SIGLEC1: variants seen among roughly 807,000 people sequenced by gnomAD.
The protein encoded by SIGLEC1 is sialic acid binding Ig like lectin 1, also known as sialoadhesin.
Under a neutral mutation model 148.0 loss-of-function variants are expected in SIGLEC1, and 132 were observed. That is an observed-to-expected ratio of 0.89 (90% CI 0.77 to 1.03). The LOEUF (loss-of-function observed/expected upper bound fraction) is 1.03. SIGLEC1 is among the 50% of genes least tolerant of loss of function. The pLI, the probability that SIGLEC1 is intolerant of heterozygous loss-of-function variation, is 0.00. For synonymous variants in SIGLEC1, 945 were observed against 969.0 expected, an observed-to-expected ratio of 0.98 and a Z score of 0.46; for missense variants, 2,253 against 2,271.4, an observed-to-expected ratio of 0.99 and a Z score of 0.16.
Position 3,697,336 on chromosome 20 carries a change from A to G in SIGLEC1, c.2129T>C (p.Val710Ala), listed in dbSNP as rs1342338559. ...TSATFNGQAT[V>A]LAIAPSHTLQ... ...TGTGTGTGATGGTGCAATGGCCAGGACAGTGGCTGGAGAGCAGGCGGCACA... is the reference window on the plus strand; with the variant it reads ...TGTGTGTGATGGTGCAATGGCCAGGGCAGTGGCTGGAGAGCAGGCGGCACA... The change falls in exon 10 of 22, where the codon GTC becomes GCC. Residue 710 changes from valine to alanine, a missense_variant. By Grantham distance (64) the Val-to-Ala change is moderately conservative. Coordinates refer to ENST00000344754, the MANE Select transcript of SIGLEC1 (RefSeq NM_023068.4). 1.9e-6 allele frequency: 3 copies of G among 1,613,544 alleles called. No individual in the cohort carries two copies. The South Asian group carries it at 3.3e-5, about 18-fold the overall frequency.
At chr20:3,706,730 CA>C in intron 2 of SIGLEC1, 24 bp from the exon 3 acceptor site, 1 of 1,520,876 alleles carries the variant, frequency 6.6e-7, no homozygotes, top group African/African-American at 1.4e-5. Context: ...GGCAGGGGGA[CA>C]GAGGGGAGGG....
At position 3,709,046 on chromosome 20, in the gene SIGLEC1, C is replaced by CAAA. The variant is rs375193019; in HGVS notation, c.-109-1812_-109-1810dup. The stretch of plus-strand genomic sequence containing the variant: ...GTGACAGAGTGAGACTCTTCTGTCT[C>CAAA]AAAAAAAAAAAAAAAAAAAAAGGAT... On this transcript the variant is annotated intron_variant, in intron 1 of 21. Transcript: ENST00000344754. Among the ~76,000 whole-genome samples the CAAA allele has an allele frequency of 3.0e-3, 240 of 79,216 alleles. 5 individuals are homozygous for CAAA. The highest frequency in any genetic ancestry group is 7.7e-3 in the Middle Eastern group (1 of 130). The allele number at this position is 79,216 out of a possible 152,430, so 52.0% of individuals were successfully genotyped here.
Position 3,707,145 on chromosome 20 carries a change from GC to G in SIGLEC1, c.-18del. The stretch of plus-strand genomic sequence containing the variant: ...GAAGCCCATAGCAGGTTCTTGTGCT[GC>G]TCCTGTTGCCTAAGAGGGTGGTGCG... On this transcript the variant is annotated 5_prime_UTR_variant, in exon 2 of 22. Coordinates refer to ENST00000344754, the MANE Select transcript of SIGLEC1 (RefSeq NM_023068.4). 6.2e-7 allele frequency: 1 copy of G among 1,613,388 alleles called. No homozygotes were observed. Among genetic ancestry groups the G allele is most frequent in the Non-Finnish European group, 8.5e-7 (1 of 1,179,452 alleles).
Position 3,687,057 on chromosome 20 carries a change from C to G in SIGLEC1, c.*1503G>C, listed in dbSNP as rs926426841. The G allele has an allele frequency of 6.6e-6, 1 of 151,822 alleles. No homozygotes were observed. Among genetic ancestry groups the G allele is most frequent in the Non-Finnish European group, 1.5e-5 (1 of 68,000 alleles). 9.4% of individuals were successfully genotyped at this position (151,822 alleles called of 1,614,324 possible). A position where few individuals can be genotyped will look rare whatever the true frequency, so the allele number is the denominator to read the frequency against. ...GCAATGGAGCATGAAAATGAATGAG[C>G]CTGGAATGAGGGAGGGTGCGGCCTC... On this transcript the variant is annotated 3_prime_UTR_variant, in exon 22 of 22. Transcript: ENST00000344754.
Position 3,710,277 on chromosome 20 carries a change from G to C in SIGLEC1, c.-110+2193C>G, listed in dbSNP as rs1169479305. Among the ~76,000 whole-genome samples, 1 of 152,206 alleles carries C rather than the reference G, an allele frequency of 6.6e-6. No homozygotes were observed. Among genetic ancestry groups the C allele is most frequent in the African/African-American group, 2.4e-5 (1 of 41,446 alleles). ...GTGAGCCGAGGCCCAGGGCCAGTCA[G>C]GCTGACCAGGTGGGACTTAGCCTGC... On this transcript the variant is annotated intron_variant, in intron 1 of 21. Transcript: ENST00000344754. The surrounding 1 kb of genome is among the most constrained non-coding windows in gnomAD (Gnocchi z 4.6).
chr20:3,707,953 C>A (rs1450372164), intron 1 of SIGLEC1, among the ~76,000 whole-genome samples: 1 of 152,258 alleles, frequency 6.6e-6, no homozygotes, highest in African/African-American at 2.4e-5. Flanking sequence ...CCTGTAGCTA[C>A]CCCAGAGCTA....
intron 4 of SIGLEC1, among the ~76,000 whole-genome samples, chr20:3,704,990 T>TTTG (rs554257806): frequency 1.3e-5 from 2 of 152,258 alleles, no homozygotes; most frequent in East Asian, 1.9e-4. Context: ...TTTATTTGTT[T>TTTG]TTGTTGTTGT....
In SIGLEC1 at chr20:3,703,944, G is replaced by A. The variant is rs1470995447; in HGVS notation, c.854C>T (p.Thr285Ile). Residue 285 changes from threonine to isoleucine, a missense_variant, in exon 5 of 22, where the codon ACC (threonine) becomes ATC (isoleucine). Coordinates refer to ENST00000344754, the MANE Select transcript of SIGLEC1 (RefSeq NM_023068.4). ...KWLKDGVRLQ[T>I]KTGVLHLPQA... ...GGGCAGGTGCAGCACACCAGTCTTG[G>A]TTTGGAGGCGTACCCCATCCTTGAG... 4.3e-6 allele frequency: 7 copies of A among 1,613,488 alleles called. No individual in the cohort carries two copies. The highest frequency in any genetic ancestry group is 5.9e-6 in the Non-Finnish European group (7 of 1,179,764).
chr20:3,689,716 C>G lies in SIGLEC1; in HGVS notation c.4895-14G>C. ...GGCGGTGCAGGGCTGGAACACAGAG[C>G]GGGACTCAGAGCAGCCACAGCTGCA... On this transcript the variant is annotated splice_polypyrimidine_tract_variant and intron_variant, in intron 19 of 21. Transcript: ENST00000344754. 6.4e-7 allele frequency: 1 copy of G among 1,559,966 alleles called. No individual in the cohort carries two copies. Among genetic ancestry groups the G allele is most frequent in the Non-Finnish European group, 8.7e-7 (1 of 1,151,826 alleles).
Position 3,693,039 on chromosome 20 carries a change from CG to C in SIGLEC1, c.3600del (p.Ala1201ProfsTer63), listed in dbSNP as rs1316769414. The C allele has an allele frequency of 2.5e-6, 4 of 1,609,334 alleles. No homozygotes were observed. Among genetic ancestry groups the C allele is most frequent in the Non-Finnish European group, 3.4e-6 (4 of 1,179,248 alleles). Reference sequence around the variant, plus strand: ...CCGGCGTGGCTGAGGGCCAGCTGGGCGGGCGGGCGGCTGTCCACAGTGCACA... The same window carrying C: ...CCGGCGTGGCTGAGGGCCAGCTGGGCGGCGGGCGGCTGTCCACAGTGCACA... ...LVLCTVDSRP[P>X]AQLALSHAGR... On this transcript the variant is annotated frameshift_variant, in exon 15 of 22. Coordinates refer to ENST00000344754, the MANE Select transcript of SIGLEC1 (RefSeq NM_023068.4). LOFTEE classifies it high-confidence loss of function.
In SIGLEC1 at chr20:3,697,286, A is replaced by G. The variant is rs767549389; in HGVS notation, c.2179T>C (p.Leu727=). The G allele has an allele frequency of 1.9e-6, 3 of 1,613,988 alleles. No individual in the cohort carries two copies. Among genetic ancestry groups the G allele is most frequent in the East Asian group, 2.2e-5 (1 of 44,878 alleles). The change falls in exon 10 of 22, where the codon TTG becomes CTG. Residue 727 remains leucine (L), a synonymous_variant. Transcript: ENST00000344754. ...HTLQEGTEAN[L]TCNVSREAAG... is the part of the protein sequence containing the mutation. ...GCTTCCCGGCTCACGTTGCAAGTCA[A>G]GTTGGCTTCTGTGCCCTCCTGAAGT...
chr20:3,702,392 C>T (rs2087859053), intron 6 of SIGLEC1, among the ~76,000 whole-genome samples: 1 of 152,084 alleles, frequency 6.6e-6, no homozygotes. Flanking sequence ...TCAAGACCAT[C>T]CTGGCCAACA....
chr20:3,692,380 CTT>C (rs1568839316), intron 16 of SIGLEC1, 139 bp downstream of exon 16: 5 of 1,194,436 alleles, frequency 4.2e-6, no homozygotes, highest in Non-Finnish European at 3.4e-6. Flanking sequence ...AGGACTGTCT[CTT>C]TCTCTAGCAC....
chr20:3,701,263 G>T, intron 7 of SIGLEC1, 79 bp downstream of exon 7: 1 of 1,342,044 alleles, frequency 7.5e-7, no homozygotes, highest in Non-Finnish European at 1.0e-6. Flanking sequence ...GAGTCCACTA[G>T]ACTTCTAGAA....
chr20:3,704,004 T>TTCACCTGGCAGGTGAGTGTGACCAGC lies in SIGLEC1; in HGVS notation c.768_793dup (p.Asn265SerfsTer9). The TTCACCTGGCAGGTGAGTGTGACCAGC allele has an allele frequency of 1.2e-6, 2 of 1,613,022 alleles. No homozygotes were observed. Among genetic ancestry groups the TTCACCTGGCAGGTGAGTGTGACCAGC allele is most frequent in the Non-Finnish European group, 1.7e-6 (2 of 1,179,346 alleles). On this transcript the variant is annotated stop_gained and frameshift_variant, in exon 5 of 22. Coordinates refer to ENST00000344754, the MANE Select transcript of SIGLEC1 (RefSeq NM_023068.4). LOFTEE classifies it high-confidence loss of function. The stretch of plus-strand genomic sequence containing the variant: ...GGAACTGACTGCAGGGTAGCTGCTG[T>TTCACCTGGCAGGTGAGTGTGACCAGC]TCACCTGGCAGGTGAGTGTGACCAG...
At position 3,703,422 on chromosome 20, in the gene SIGLEC1, GACCTGCTGGGCTC is replaced by G. The variant is rs754069934; in HGVS notation, c.990_1002del (p.Ser331ProfsTer8). On this transcript the variant is annotated frameshift_variant, in exon 6 of 22. Transcript: ENST00000344754. LOFTEE classifies it high-confidence loss of function. ...GTCACTGTCTGGTTCTCCAGGATGG[GACCTGCTGGGCTC>G]ACCTGGACCTCAGCCACTGCAAGGG... is the stretch of plus-strand genomic sequence containing the variant. The G allele has an allele frequency of 2.1e-5, 34 of 1,586,902 alleles. No homozygotes were observed. The Middle Eastern group carries it at 6.7e-4, about 31-fold the overall frequency.
At position 3,688,498 on chromosome 20, in the gene SIGLEC1, T is replaced by C. The variant is rs376370629; in HGVS notation, c.*62A>G. 43 of 1,351,236 alleles carry C rather than the reference T, an allele frequency of 3.2e-5. No individual in the cohort carries two copies. The highest frequency in any genetic ancestry group is 3.9e-5 in the Non-Finnish European group (38 of 964,160). 83.7% of individuals were successfully genotyped at this position (1,351,236 alleles called of 1,614,324 possible). ...CTCAACACTGCCTCATTCACATTCATAGGCTGGAGTCATCACAGATTCTGG... is the reference window on the plus strand; with the variant it reads ...CTCAACACTGCCTCATTCACATTCACAGGCTGGAGTCATCACAGATTCTGG... On this transcript the variant is annotated 3_prime_UTR_variant, in exon 22 of 22. Coordinates refer to ENST00000344754, the MANE Select transcript of SIGLEC1 (RefSeq NM_023068.4).
Position 3,689,197 on chromosome 20 carries a change from G to A in SIGLEC1, c.5028C>T (p.Gly1676=), listed in dbSNP as rs138231509. Residue 1676 remains glycine, a synonymous_variant, in exon 21 of 22, where the codon GGC becomes GGT. Coordinates refer to ENST00000344754, the MANE Select transcript of SIGLEC1 (RefSeq NM_023068.4). ...RRRRVCKQSM[G]ENSVEMAFQK... Reference sequence around the variant, plus strand: ...GAAAAGCCATCTCCACCGAATTCTCGCCCATGCTCTGCTTACAAACACGCC... The same window carrying A: ...GAAAAGCCATCTCCACCGAATTCTCACCCATGCTCTGCTTACAAACACGCC... 1.1e-5 allele frequency: 17 copies of A among 1,614,072 alleles called. No homozygotes were observed. Among genetic ancestry groups the A allele is most frequent in the Middle Eastern group, 3.3e-4 (2 of 6,062 alleles).
intron 8 of SIGLEC1, among the ~76,000 whole-genome samples, chr20:3,698,611 G>T (rs1283005979): frequency 1.3e-5 from 2 of 152,218 alleles, no homozygotes; most frequent in African/African-American, 4.8e-5. Flanking sequence ...CTTCCTGAAG[G>T]CTTCTGGAGA....
Sources: gnomAD v4.1 joint callset for allele counts (sites outside exome capture counted in the v4.1 genomes callset) on GRCh38, gnomAD v4.1.1 for gene constraint, Gnocchi (gnomAD v3.1) non-coding constraint, MANE v1.5 for transcripts, NCBI Gene and HGNC (gene_info 2026-07-23, HGNC 2026-07-21) for gene names.